Variants in CA8 observed in about 807,000 individuals in gnomAD.
CA8 encodes carbonic anhydrase 8 (inactive), also known as carbonic anhydrase-related protein.
Under a neutral mutation model 41.4 loss-of-function variants are expected in CA8, and 22 were observed. That is an observed-to-expected ratio of 0.53 (90% CI 0.38 to 0.76). The LOEUF (loss-of-function observed/expected upper bound fraction) is 0.76, where lower values mean the gene tolerates loss of function less well. Ranked by LOEUF, CA8 falls within the 30% of genes least tolerant of loss-of-function variation. The pLI, the probability that CA8 is intolerant of heterozygous loss-of-function variation, is 0.00. For synonymous variants in CA8, 121 were observed against 130.6 expected (o/e 0.93, Z 0.50); for missense variants, 270 against 352.8 (o/e 0.77, Z 1.88).
intron 8 of CA8, among the ~76,000 whole-genome samples, chr8:60,205,232 G>A (rs961528614): frequency 6.6e-6 from 1 of 152,104 alleles, no homozygotes; most frequent in African/African-American, 2.4e-5. Flanking sequence ...CTAAAGAGCC[G>A]TGTGACATTG....
chr8:60,235,199 G>A (rs767662555), intron 3 of CA8, among the ~76,000 whole-genome samples: 2 of 152,206 alleles, frequency 1.3e-5, no homozygotes, highest in African/African-American at 4.8e-5. Context: ...CTGAGATCAA[G>A]GTGTGGGCAG....
intron 2 of CA8, among the ~76,000 whole-genome samples, chr8:60,268,566 CTG>C (rs763270573): frequency 2.6e-5 from 4 of 152,188 alleles, no homozygotes; most frequent in Non-Finnish European, 5.9e-5. Flanking sequence ...AAGTGAAACA[CTG>C]TGGAAATTCA....
chr8:60,228,610 T>G (rs534820596), intron 4 of CA8, among the ~76,000 whole-genome samples: 1 of 152,330 alleles, frequency 6.6e-6, no homozygotes, highest in South Asian at 2.1e-4. Flanking sequence ...CAAGTGTAGT[T>G]AACCTCTACA....
chr8:60,206,251 A>C (rs1806574322), intron 8 of CA8, among the ~76,000 whole-genome samples: 1 of 152,214 alleles, frequency 6.6e-6, no homozygotes, highest in Non-Finnish European at 1.5e-5. Context: ...TAATTAACTC[A>C]AAACTTTGAA....
intron 8 of CA8, among the ~76,000 whole-genome samples, chr8:60,190,598 G>T (rs974728069): frequency 4.7e-5 from 7 of 149,946 alleles, no homozygotes; most frequent in African/African-American, 1.2e-4. Context: ...GCTAGCAATG[G>T]CAGTGGGAAA....
At chr8:60,208,064 T>C (rs1806699246) in intron 8 of CA8, 1 of 152,298 alleles carries the variant, frequency 6.6e-6, no homozygotes, top group Non-Finnish European at 1.5e-5. Flanking sequence ...AAATAAATAA[T>C]CCAATATATA....
At chr8:60,279,083 C>T (rs1478099730) in intron 2 of CA8, among the ~76,000 whole-genome samples, 2 of 151,702 alleles carry the variant, frequency 1.3e-5, no homozygotes, top group Non-Finnish European at 2.9e-5. Flanking sequence ...AATAGGTTTG[C>T]AAGTGGTAGG....
At chr8:60,279,983 G>T in intron 1 of CA8, 103 bp from the exon 2 acceptor site, 1 of 851,358 alleles carries the variant, frequency 1.2e-6, no homozygotes, top group Non-Finnish European at 1.8e-6. Context: ...ATCATGAAGA[G>T]AGTAATGATA....
intron 6 of CA8, among the ~76,000 whole-genome samples, chr8:60,223,885 T>C (rs566965165): frequency 1.3e-5 from 2 of 152,326 alleles, no homozygotes; most frequent in South Asian, 2.1e-4. Context: ...AAATTTTATA[T>C]ACAACAACCT....
chr8:60,193,117 A>T (rs919825706), intron 8 of CA8, among the ~76,000 whole-genome samples: 1 of 152,010 alleles, frequency 6.6e-6, no homozygotes, highest in Non-Finnish European at 1.5e-5. Context: ...ACATGTGTTA[A>T]TTTTTCTTTC....
At chr8:60,207,537 T>G (rs1366320256) in intron 8 of CA8, among the ~76,000 whole-genome samples, 1 of 152,188 alleles carries the variant, frequency 6.6e-6, no homozygotes, top group African/African-American at 2.4e-5. Flanking sequence ...CCACTGCCAC[T>G]CAGTGGCACT....
intron 3 of CA8, among the ~76,000 whole-genome samples, chr8:60,263,876 C>T (rs1306435625): frequency 6.6e-6 from 1 of 152,186 alleles, no homozygotes; most frequent in Non-Finnish European, 1.5e-5. Flanking sequence ...ATGCACTCAA[C>T]AGGATAGAGC....
intron 2 of CA8, among the ~76,000 whole-genome samples, chr8:60,269,492 C>T (rs573448878): frequency 1.3e-5 from 2 of 152,294 alleles, no homozygotes; most frequent in East Asian, 3.9e-4. Context: ...TTCTTTAATG[C>T]TCTTTAATAC....
intron 8 of CA8, among the ~76,000 whole-genome samples, chr8:60,190,829 TAAAAC>T (rs1371024057): frequency 6.7e-6 from 1 of 150,262 alleles, no homozygotes; most frequent in African/African-American, 2.4e-5. Context: ...GAAAAAATAA[TAAAAC>T]AAAATAGCCT....
intron 3 of CA8, among the ~76,000 whole-genome samples, chr8:60,251,421 T>G (rs1330825667): frequency 6.6e-6 from 1 of 152,272 alleles, no homozygotes; most frequent in African/African-American, 2.4e-5. Context: ...AATTTAGCTT[T>G]GAGTTTAATT....
chr8:60,191,713 G>A (rs925451338), intron 8 of CA8, among the ~76,000 whole-genome samples: 2 of 152,086 alleles, frequency 1.3e-5, no homozygotes, highest in Admixed American at 6.6e-5. Context: ...TGTATCCTAA[G>A]TTTATGAAAT....
At chr8:60,194,978 A>G (rs1178338679) in intron 8 of CA8, among the ~76,000 whole-genome samples, 1 of 152,224 alleles carries the variant, frequency 6.6e-6, no homozygotes, top group African/African-American at 2.4e-5. Context: ...TGTATTTTCT[A>G]AAGTTCCTAC....
chr8:60,239,650 A>G (rs1171647342), intron 3 of CA8, among the ~76,000 whole-genome samples: 5 of 152,178 alleles, frequency 3.3e-5, no homozygotes, highest in Admixed American at 3.3e-4. Flanking sequence ...TGGTTCACTC[A>G]TGGATTGATA....
In CA8 at chr8:60,264,279, C is replaced by G. The variant is rs532951600; in HGVS notation, c.417+1646G>C. ...TTCTCATCCAGAAGTTCTCGCCTCC[C>G]CATTTACAGCTACCTTTCCCTAGAA... On this transcript the variant is annotated intron_variant, in intron 3 of 8. Coordinates refer to ENST00000317995, the MANE Select transcript of CA8 (RefSeq NM_004056.6). Among the ~76,000 whole-genome samples the G allele has an allele frequency of 5.3e-5, 8 of 152,328 alleles. No homozygotes were observed. The East Asian group carries it at 7.7e-4, about 15-fold the overall frequency.
Sources: allele counts gnomAD v4.1 joint callset (sites outside exome capture counted in the v4.1 genomes callset), GRCh38; gene constraint gnomAD v4.1.1; transcripts MANE v1.5; gene names NCBI Gene and HGNC (gene_info 2026-07-23, HGNC 2026-07-21).